ZNF273: variants seen among roughly 807,000 people sequenced by gnomAD.
The protein encoded by ZNF273 is zinc finger protein 273.
Under a neutral mutation model 14.9 loss-of-function variants are expected in ZNF273, and 11 were observed. The ratio of observed to expected loss-of-function variants is 0.74; its 90% confidence interval spans 0.46 to 1.22. The LOEUF is 1.22. Among genes scored for constraint, ZNF273 ranks in the 50% most tolerant of loss-of-function variants. The probability of loss-of-function intolerance (pLI) is 0.00; values close to 1 mark genes in which losing one functional copy is unlikely to be tolerated. For synonymous variants in ZNF273, 199 were observed against 223.9 expected, an observed-to-expected ratio of 0.89 and a Z score of 0.99; for missense variants, 577 against 660.6, an observed-to-expected ratio of 0.87 and a Z score of 1.39.
At chr7:64,901,127 C>T (rs1020277387), upstream of ZNF273, among the ~76,000 whole-genome samples, 1 of 152,040 alleles carries the variant, frequency 6.6e-6, no homozygotes, top group African/African-American at 2.4e-5. Context: ...CTTAGCCTCC[C>T]GAGTTGCTGG....
chr7:64,927,113 A>G (rs1794802317), intron 3 of ZNF273, among the ~76,000 whole-genome samples: 1 of 152,022 alleles, frequency 6.6e-6, no homozygotes, highest in Non-Finnish European at 1.5e-5. Flanking sequence ...TTTTTTTGAG[A>G]CAGAGTCTCA....
downstream of ZNF273, among the ~76,000 whole-genome samples, chr7:64,880,631 G>A (rs1446508837): frequency 6.6e-6 from 1 of 152,088 alleles, no homozygotes; most frequent in Non-Finnish European, 1.5e-5. Flanking sequence ...AAGGGCTTGG[G>A]CTGCGGGGCT....
chr7:64,931,498 T>C (rs767529940), downstream of ZNF273, among the ~76,000 whole-genome samples: 4 of 152,206 alleles, frequency 2.6e-5, no homozygotes, highest in African/African-American at 7.2e-5. Context: ...AATTTTTAGA[T>C]GTAATTTTAC....
chr7:64,904,301 C>A (rs2129056813), intron 1 of ZNF273, among the ~76,000 whole-genome samples: 1 of 152,296 alleles, frequency 6.6e-6, no homozygotes, highest in East Asian at 1.9e-4. Context: ...TGTTGCCCAG[C>A]CTGGTCTCGA....
intron 3 of ZNF273, among the ~76,000 whole-genome samples, chr7:64,922,736 G>A (rs1318204781): frequency 6.6e-6 from 1 of 151,430 alleles, no homozygotes. Flanking sequence ...ATGCCGAGGC[G>A]AGTAGATTAC....
At chr7:64,881,334 G>C (rs187278572), downstream of ZNF273, among the ~76,000 whole-genome samples, 6 of 152,224 alleles carry the variant, frequency 3.9e-5, no homozygotes, top group Non-Finnish European at 7.3e-5. Context: ...TGGCTCAAAG[G>C]CTTCCACAGG....
At chr7:64,886,628 C>A (rs757339842) in intron 1 of ZNF273, among the ~76,000 whole-genome samples, 1 of 152,196 alleles carries the variant, frequency 6.6e-6, no homozygotes, top group Non-Finnish European at 1.5e-5. Flanking sequence ...CCTCACACAT[C>A]ACCTGTCAGA....
intron 1 of ZNF273, among the ~76,000 whole-genome samples, chr7:64,910,393 G>A (rs7782095): frequency 0.083 from 12,664 of 152,182 alleles, 675 homozygotes; most frequent in South Asian, 0.18. Flanking sequence ...CTTATACATA[G>A]TACTAGCTAG....
At chr7:64,878,728 G>A (rs565260979) in intron 2 of ZNF273, among the ~76,000 whole-genome samples, 160 of 152,292 alleles carry the variant, frequency 1.1e-3, no homozygotes, top group Admixed American at 1.8e-3. Flanking sequence ...TTTCATTCCC[G>A]GAGCCACATG....
intron 3 of ZNF273, chr7:64,923,256 A>G (rs1794593644): frequency 4.6e-6 from 2 of 438,984 alleles, no homozygotes; most frequent in South Asian, 3.3e-5. Context: ...ATTTATCGTT[A>G]TAGTTGTTAG....
At chr7:64,888,784 A>G (rs973496404) in exon 2 of ZNF273, 40 of 985,754 alleles carry the variant, frequency 4.1e-5, no homozygotes, top group Non-Finnish European at 2.4e-6. Context: ...TGCCGACTCC[A>G]TGCTGCCGGG....
intron 1 of ZNF273, among the ~76,000 whole-genome samples, chr7:64,913,498 G>C (rs1006737604): frequency 1.4e-4 from 22 of 151,834 alleles, no homozygotes; most frequent in Non-Finnish European, 3.1e-4. Flanking sequence ...AAACATTGCA[G>C]TAGTACATGT....
chr7:64,885,642 G>A (rs1275364928), intron 1 of ZNF273, among the ~76,000 whole-genome samples: 3 of 152,336 alleles, frequency 2.0e-5, no homozygotes, highest in African/African-American at 7.2e-5. Flanking sequence ...TTACAGGAGA[G>A]AAGGAGAGGA....
At chr7:64,936,758 GT>G in the ZNF273 span, among the ~76,000 whole-genome samples, 3 of 152,176 alleles carry the variant, frequency 2.0e-5, no homozygotes, top group African/African-American at 7.2e-5. Flanking sequence ...AAATAACAGT[GT>G]TTTGCACACA....
chr7:64,902,925 A>G (rs200788266), upstream of ZNF273, among the ~76,000 whole-genome samples: 39 of 152,264 alleles, frequency 2.6e-4, no homozygotes, highest in East Asian at 7.1e-3. Context: ...TCCCAGCTTG[A>G]CTTTTCCCTA....
downstream of ZNF273, among the ~76,000 whole-genome samples, chr7:64,934,623 C>G (rs143891538): frequency 6.6e-6 from 1 of 152,082 alleles, no homozygotes; most frequent in Non-Finnish European, 1.5e-5. Flanking sequence ...GCTGTAAATA[C>G]GTGGATATAT....
intron 1 of ZNF273, among the ~76,000 whole-genome samples, chr7:64,911,363 A>G (rs1459041456): frequency 6.6e-6 from 1 of 151,078 alleles, no homozygotes; most frequent in Non-Finnish European, 1.5e-5. Flanking sequence ...TCCTGGGTTC[A>G]AGTGATTCTC....
At chr7:64,915,670 C>CATG (rs1793924075) in intron 1 of ZNF273, among the ~76,000 whole-genome samples, 1 of 152,190 alleles carries the variant, frequency 6.6e-6, no homozygotes, top group Non-Finnish European at 1.5e-5. Flanking sequence ...TCATGGCCAT[C>CATG]ATGAACATGT....
At chr7:64,912,428 T>G (rs1793585195) in intron 1 of ZNF273, among the ~76,000 whole-genome samples, 1 of 152,232 alleles carries the variant, frequency 6.6e-6, no homozygotes, top group Non-Finnish European at 1.5e-5. Context: ...AATCGAAGTC[T>G]CTTCATAGGT....
Sources: allele counts gnomAD v4.1 joint callset (sites outside exome capture counted in the v4.1 genomes callset), GRCh38; gene constraint gnomAD v4.1.1; transcripts MANE v1.5; gene names NCBI Gene and HGNC (gene_info 2026-07-23, HGNC 2026-07-21).